The following PTPRO variants were observed in gnomAD, a reference collection of about 807,000 sequenced individuals.
PTPRO encodes the protein protein tyrosine phosphatase receptor type O.
Under a neutral mutation model 145.2 loss-of-function variants are expected in PTPRO, and 62 were observed. That is an observed-to-expected ratio of 0.43 (90% CI 0.35 to 0.53). PTPRO has a LOEUF of 0.53. Ranked by LOEUF, PTPRO falls within the 20% of genes least tolerant of loss-of-function variation. PTPRO has a pLI of 0.01. For synonymous variants in PTPRO, 565 were observed against 514.7 expected (o/e 1.10, Z -1.32); for missense variants, 1,345 against 1,482.7 (o/e 0.91, Z 1.53).
chr12:15,488,771 T>C (rs968653079), intron 2 of PTPRO, among the ~76,000 whole-genome samples: 1 of 152,194 alleles, frequency 6.6e-6, no homozygotes, highest in African/African-American at 2.4e-5. Context: ...GCAGAGTCAT[T>C]TGGCCAGTTC....
chr12:15,528,917 T>C (rs1942900762), intron 12 of PTPRO, among the ~76,000 whole-genome samples: 1 of 152,122 alleles, frequency 6.6e-6, no homozygotes, highest in Non-Finnish European at 1.5e-5. Flanking sequence ...AGCAAAATTG[T>C]CCTTCAAATA....
chr12:15,442,747 C>G (rs1271153163), intron 1 of PTPRO, among the ~76,000 whole-genome samples: 1 of 151,872 alleles, frequency 6.6e-6, no homozygotes, highest in Non-Finnish European at 1.5e-5. Context: ...TTTACAATAG[C>G]CACACACACA....
chr12:15,595,428 G>T (rs1171558368), intron 26 of PTPRO: 8 of 281,926 alleles, frequency 2.8e-5, no homozygotes, highest in Non-Finnish European at 5.6e-5. Context: ...TGATTACAAG[G>T]GCTGTATACG....
chr12:15,496,367 C>T (rs1201962492), intron 2 of PTPRO, among the ~76,000 whole-genome samples: 1 of 151,968 alleles, frequency 6.6e-6, no homozygotes, highest in Non-Finnish European at 1.5e-5. Flanking sequence ...GTCTCAAACT[C>T]CCGACCTCAG....
intron 10 of PTPRO, 82 bp downstream of exon 10, chr12:15,520,394 G>A: frequency 1.0e-6 from 1 of 1,002,486 alleles, no homozygotes; most frequent in Non-Finnish European, 1.6e-6. Context: ...TCTAGAAAGT[G>A]CCAGTCATTC....
At chr12:15,511,387 T>C (rs1942437270) in intron 7 of PTPRO, among the ~76,000 whole-genome samples, 1 of 152,174 alleles carries the variant, frequency 6.6e-6, no homozygotes, top group African/African-American at 2.4e-5. Context: ...TATTCAGAAA[T>C]TGGGGAGGAT....
chr12:15,384,588 A>G (rs1241870527), intron 1 of PTPRO, among the ~76,000 whole-genome samples: 1 of 152,104 alleles, frequency 6.6e-6, no homozygotes, highest in Non-Finnish European at 1.5e-5. Flanking sequence ...CAAATTAGGA[A>G]CCCTCCACTT....
At chr12:15,515,002 T>A (rs1942546387) in intron 7 of PTPRO, among the ~76,000 whole-genome samples, 1 of 151,994 alleles carries the variant, frequency 6.6e-6, no homozygotes. Flanking sequence ...TGACTTCAAA[T>A]GATCTGCCTG....
At chr12:15,371,983 T>A (rs1938544757) in intron 1 of PTPRO, among the ~76,000 whole-genome samples, 1 of 152,202 alleles carries the variant, frequency 6.6e-6, no homozygotes, top group African/African-American at 2.4e-5. Flanking sequence ...TAAACCTCTT[T>A]CCTATATAAA....
intron 12 of PTPRO, among the ~76,000 whole-genome samples, chr12:15,530,792 A>G (rs1942945975): frequency 6.6e-6 from 1 of 152,174 alleles, no homozygotes; most frequent in South Asian, 2.1e-4. Context: ...GTTCAAATAC[A>G]CAACCTAATG....
intron 18 of PTPRO, among the ~76,000 whole-genome samples, chr12:15,569,147 A>T (rs1163741654): frequency 6.6e-6 from 1 of 152,104 alleles, no homozygotes; most frequent in Non-Finnish European, 1.5e-5. Flanking sequence ...ACGAGTATGC[A>T]TATATATACT....
chr12:15,392,647 G>C (rs148537615), intron 1 of PTPRO, among the ~76,000 whole-genome samples: 1 of 150,604 alleles, frequency 6.6e-6, no homozygotes, highest in East Asian at 2.0e-4. Flanking sequence ...CTTGAACCTC[G>C]GAGGCGGAGG....
intron 1 of PTPRO, among the ~76,000 whole-genome samples, chr12:15,442,855 C>T (rs1041102961): frequency 1.3e-5 from 2 of 152,148 alleles, no homozygotes; most frequent in African/African-American, 4.8e-5. Context: ...ATTCCATGCT[C>T]ATAGATTAGA....
In PTPRO at chr12:15,497,389, C is replaced by A; in HGVS notation, c.494C>A (p.Thr165Lys). The part of the protein sequence containing the change: ...ISYWEGKDFR[T>K]MLYKDFFKGK... ...TACTGGGAAGGTAAAGACTTCCGGA[C>A]AATGCTATATAAAGGTAAGCAGCAA... Residue 165 changes from threonine to lysine, a missense_variant, in exon 3 of 27, where the codon ACA becomes AAA. This residue lies in a region of PTPRO where 1,130 missense variants were observed against 1,214.7 expected (regional missense o/e 0.93). Coordinates refer to ENST00000281171, the MANE Select transcript of PTPRO (RefSeq NM_030667.3). 1 of 1,613,396 alleles carries A rather than the reference C, an allele frequency of 6.2e-7. No individual in the cohort carries two copies. Among genetic ancestry groups the A allele is most frequent in the Non-Finnish European group, 8.5e-7 (1 of 1,179,590 alleles).
intron 15 of PTPRO, among the ~76,000 whole-genome samples, chr12:15,554,143 C>A (rs1007373911): frequency 6.6e-6 from 1 of 152,138 alleles, no homozygotes; most frequent in African/African-American, 2.4e-5. Flanking sequence ...CCATTGCACT[C>A]CAGCCTGGGC....
At chr12:15,416,322 TTTC>T (rs1432246004) in intron 1 of PTPRO, among the ~76,000 whole-genome samples, 10 of 68,528 alleles carry the variant, frequency 1.5e-4, no homozygotes, top group Admixed American at 6.2e-4. Context: ...TCTCTCTCTC[TTTC>T]TTTTTTTTTT....
At chr12:15,346,283 T>C (rs997496232) in intron 1 of PTPRO, among the ~76,000 whole-genome samples, 3 of 152,244 alleles carry the variant, frequency 2.0e-5, no homozygotes, top group Non-Finnish European at 4.4e-5. Flanking sequence ...AACCATGTCA[T>C]AGAGAAGTTT....
At chr12:15,518,471 T>A (rs1942646126) in intron 9 of PTPRO, among the ~76,000 whole-genome samples, 1 of 152,226 alleles carries the variant, frequency 6.6e-6, no homozygotes, top group Non-Finnish European at 1.5e-5. Flanking sequence ...AACATTCAAC[T>A]CCTCATTACT....
chr12:15,342,941 T>C (rs889776314), intron 1 of PTPRO, among the ~76,000 whole-genome samples: 13 of 152,158 alleles, frequency 8.5e-5, no homozygotes, highest in Non-Finnish European at 1.8e-4. Flanking sequence ...ACCAGAATAA[T>C]TGTGTGTGAA....
Sources: allele counts gnomAD v4.1 joint callset (sites outside exome capture counted in the v4.1 genomes callset), GRCh38; gene constraint gnomAD v4.1.1; regional missense constraint gnomAD v4.1.1; transcripts MANE v1.5; gene names NCBI Gene and HGNC (gene_info 2026-07-23, HGNC 2026-07-21).